Variants in SNRPG observed in about 807,000 individuals in gnomAD.
SNRPG encodes small nuclear ribonucleoprotein G.
A neutral mutation model predicts 13.9 loss-of-function variants in SNRPG; 3 were observed. That is an observed-to-expected ratio of 0.22 (90% CI 0.10 to 0.56). The LOEUF (loss-of-function observed/expected upper bound fraction) is 0.56, where lower values mean the gene tolerates loss of function less well. Among genes scored for constraint, SNRPG ranks in the 20% least tolerant of loss-of-function variants. SNRPG has a pLI of 0.93. For missense variants in SNRPG, 34 were observed against 96.1 expected, an observed-to-expected ratio of 0.35 and a Z score of 2.70; for synonymous variants, 29 against 29.3, an observed-to-expected ratio of 0.99 and a Z score of 0.03.
chr2:70,287,873 G>A (rs1696981433), intron 3 of SNRPG, 195 bp downstream of exon 3: 3 of 599,468 alleles, frequency 5.0e-6, no homozygotes, highest in South Asian at 4.0e-5. Context: ...CTTAGGTTCT[G>A]TATAGTTGAG....
intron 3 of SNRPG, 139 bp from the exon 4 acceptor site, chr2:70,281,823 G>C: frequency 1.8e-6 from 1 of 554,268 alleles, no homozygotes. Flanking sequence ...AAGCCACAGG[G>C]ACACCAAACA....
intron 2 of SNRPG, among the ~76,000 whole-genome samples, chr2:70,288,624 G>A (rs1375342814): frequency 6.6e-6 from 1 of 152,164 alleles, no homozygotes; most frequent in Non-Finnish European, 1.5e-5. Context: ...TCAAGCTGAA[G>A]GCTGCTTACC....
intron 1 of SNRPG, among the ~76,000 whole-genome samples, chr2:70,289,728 T>C (rs532428852): frequency 2.9e-4 from 44 of 152,102 alleles, no homozygotes; most frequent in Non-Finnish European, 4.9e-4. Context: ...GGAGAATCAC[T>C]GGAGCCTGCC....
chr2:70,283,096 C>CAAAAAAAAAAAA lies in SNRPG; in HGVS notation c.181-1424_181-1413dup, dbSNP rs57862220. On this transcript the variant is annotated intron_variant, in intron 3 of 3. Transcript: ENST00000272348. ...GGCAACGAGCGAAACTGTCTTTTGT[C>CAAAAAAAAAAAA]AAAAAAAAAAAAAAAAAAAAAAAAA... is the stretch of plus-strand genomic sequence containing the variant. Among the ~76,000 whole-genome samples, 43 of 14,024 alleles carry CAAAAAAAAAAAA rather than the reference C, an allele frequency of 3.1e-3. 4 individuals carry two copies. Among genetic ancestry groups the CAAAAAAAAAAAA allele is most frequent in the African/African-American group, 8.9e-3 (26 of 2,930 alleles). 9.2% of individuals were successfully genotyped at this position (14,024 alleles called of 152,430 possible). A position where few individuals can be genotyped will look rare whatever the true frequency, so the allele number is the denominator to read the frequency against.
chr2:70,283,084 ACTGT>A (rs1210432790), intron 3 of SNRPG, among the ~76,000 whole-genome samples: 2 of 101,788 alleles, frequency 2.0e-5, no homozygotes, highest in Non-Finnish European at 3.9e-5. Flanking sequence ...AACGAGCGAA[ACTGT>A]CTTTTGTCAA....
chr2:70,291,908 TA>T (rs1355245026), intron 1 of SNRPG, among the ~76,000 whole-genome samples: 3 of 151,068 alleles, frequency 2.0e-5, no homozygotes, highest in Non-Finnish European at 2.9e-5. Flanking sequence ...AACTTTCAGA[TA>T]AAAAGAGTAA....
intron 3 of SNRPG, among the ~76,000 whole-genome samples, chr2:70,283,096 C>CAAAAAAAA (rs57862220): frequency 4.0e-3 from 56 of 13,990 alleles, no homozygotes; most frequent in Non-Finnish European, 4.3e-3. Context: ...TGTCTTTTGT[C>CAAAAAAAA]AAAAAAAAAA....
At chr2:70,290,205 G>C (rs1301728057) in intron 1 of SNRPG, among the ~76,000 whole-genome samples, 1 of 151,760 alleles carries the variant, frequency 6.6e-6, no homozygotes, top group Non-Finnish European at 1.5e-5. Flanking sequence ...ACAAAGACTT[G>C]CCTATGTTTG....
chr2:70,284,531 G>A (rs184444290), intron 3 of SNRPG, among the ~76,000 whole-genome samples: 78 of 152,162 alleles, frequency 5.1e-4, no homozygotes, highest in Non-Finnish European at 9.7e-4. Flanking sequence ...CCAGAGGCAT[G>A]AGCCACCAAG....
At position 70,281,695 on chromosome 2, in the gene SNRPG, G is replaced by T. The variant is rs1348032387; in HGVS notation, c.181-11C>A. 2.0e-6 allele frequency: 3 copies of T among 1,477,128 alleles called. No individual in the cohort carries two copies. The highest frequency in any genetic ancestry group is 2.8e-6 in the Non-Finnish European group (3 of 1,064,356). The allele number at this position is 1,477,128 out of a possible 1,614,324, so 91.5% of individuals were successfully genotyped here. A position where few individuals can be genotyped will look rare whatever the true frequency, so the allele number is the denominator to read the frequency against. ...ATTTCCTCGTATTACCTAAGAAAGAGAAAAATAAATTTGAAAAGAACAACT... is the reference window on the plus strand; with the variant it reads ...ATTTCCTCGTATTACCTAAGAAAGATAAAAATAAATTTGAAAAGAACAACT... On this transcript the variant is annotated splice_polypyrimidine_tract_variant and intron_variant, in intron 3 of 3. Coordinates refer to ENST00000272348, the MANE Select transcript of SNRPG (RefSeq NM_003096.4).
At chr2:70,281,771 A>G (rs1276762763) in intron 3 of SNRPG, 87 bp from the exon 4 acceptor site, 1 of 737,056 alleles carries the variant, frequency 1.4e-6, no homozygotes, top group African/African-American at 1.8e-5. Flanking sequence ...CAAATCATTA[A>G]TGGTTTTTTA....
At chr2:70,286,510 T>C (rs957035185) in intron 3 of SNRPG, among the ~76,000 whole-genome samples, 2 of 151,296 alleles carry the variant, frequency 1.3e-5, no homozygotes, top group Non-Finnish European at 2.9e-5. Flanking sequence ...TGTCTGCTGA[T>C]AAAAACTTTT....
chr2:70,288,430 T>A (rs759941451), intron 2 of SNRPG, among the ~76,000 whole-genome samples: 4 of 152,340 alleles, frequency 2.6e-5, no homozygotes, highest in South Asian at 2.1e-4. Context: ...AGAGCTTTTT[T>A]AAAATTTTTA....
chr2:70,285,325 G>A (rs1394119819), intron 3 of SNRPG, among the ~76,000 whole-genome samples: 2 of 152,184 alleles, frequency 1.3e-5, no homozygotes, highest in African/African-American at 4.8e-5. Flanking sequence ...TGTAATCCCA[G>A]CACTTTGGGA....
intron 3 of SNRPG, among the ~76,000 whole-genome samples, chr2:70,284,497 C>CT (rs1312329549): frequency 2.0e-4 from 31 of 152,210 alleles, no homozygotes; most frequent in Admixed American, 2.0e-3. Flanking sequence ...GATCCTCCCA[C>CT]TTCAGCCTCT....
intron 1 of SNRPG, among the ~76,000 whole-genome samples, chr2:70,290,415 T>TA (rs917864202): frequency 2.0e-5 from 3 of 151,526 alleles, no homozygotes; most frequent in Admixed American, 6.6e-5. Context: ...CGATATGAAT[T>TA]AAAAAAAAAT....
intron 3 of SNRPG, among the ~76,000 whole-genome samples, chr2:70,284,730 T>C (rs1696898270): frequency 6.6e-6 from 1 of 152,178 alleles, no homozygotes; most frequent in South Asian, 2.1e-4. Flanking sequence ...GCAACAGATA[T>C]TGAACATCAC....
chr2:70,284,273 TCTC>T (rs992822747), intron 3 of SNRPG, among the ~76,000 whole-genome samples: 3 of 152,078 alleles, frequency 2.0e-5, no homozygotes, highest in African/African-American at 7.2e-5. Flanking sequence ...CTCAAGTGGT[TCTC>T]CTGCCTCTGC....
intron 1 of SNRPG, 64 bp from the exon 2 acceptor site, chr2:70,289,436 ATAGG>A: frequency 1.2e-6 from 1 of 821,398 alleles, no homozygotes; most frequent in Non-Finnish European, 2.0e-6. Context: ...AAACAAGTAA[ATAGG>A]TATAGTTAAG....
Sources: gnomAD v4.1 joint callset for allele counts (sites outside exome capture counted in the v4.1 genomes callset) on GRCh38, gnomAD v4.1.1 for gene constraint, MANE v1.5 for transcripts, NCBI Gene and HGNC (gene_info 2026-07-23, HGNC 2026-07-21) for gene names.